SIPA1L3: variants seen among roughly 807,000 people sequenced by gnomAD.
SIPA1L3 encodes the protein signal-induced proliferation-associated 1-like protein 3.
SIPA1L3 carries 59 observed loss-of-function variants against 150.1 expected under a neutral mutation model. The ratio of observed to expected loss-of-function variants is 0.39; its 90% CI spans 0.32 to 0.49. SIPA1L3 has a LOEUF of 0.49. SIPA1L3 is among the 20% of genes least tolerant of loss of function. The probability of loss-of-function intolerance (pLI) is 0.86; values close to 1 mark genes in which losing one functional copy is unlikely to be tolerated. For synonymous variants in SIPA1L3, 1,070 were observed against 1,077.6 expected (o/e 0.99, Z 0.14); for missense variants, 2,211 against 2,489.5 (o/e 0.89, Z 2.38).
intron 1 of SIPA1L3, among the ~76,000 whole-genome samples, chr19:37,923,846 G>T (rs2046477959): frequency 6.6e-6 from 1 of 151,622 alleles, no homozygotes; most frequent in Admixed American, 6.6e-5. Context: ...TGCAACCTCT[G>T]CCTCTCGGGT....
At chr19:37,937,769 A>G (rs999059665) in intron 1 of SIPA1L3, among the ~76,000 whole-genome samples, 1 of 133,116 alleles carries the variant, frequency 7.5e-6, no homozygotes, top group Non-Finnish European at 1.6e-5. Flanking sequence ...AAAAAAGACC[A>G]GGCACGGTGG....
At position 37,960,346 on chromosome 19, in the gene SIPA1L3, T is replaced by A. The variant is rs1348312399; in HGVS notation, c.-379+52988T>A. On this transcript the variant is annotated intron_variant, in intron 1 of 21. Coordinates refer to ENST00000222345, the MANE Select transcript of SIPA1L3 (RefSeq NM_015073.3). ...TCAACCTACTGTGTTCAAGCGATCC[T>A]CCACCTCAGCCTTCTGAGTAGCTGG... is the stretch of plus-strand genomic sequence containing the variant. 4.0e-5 allele frequency among the ~76,000 whole-genome samples: 6 copies of A among 151,782 alleles called. No homozygotes were observed. In the East Asian group the frequency reaches 1.2e-3, roughly 29 times the overall value.
intron 17 of SIPA1L3, among the ~76,000 whole-genome samples, chr19:38,193,209 G>A (rs1340233732): frequency 6.6e-6 from 1 of 152,050 alleles, no homozygotes; most frequent in African/African-American, 2.4e-5. Flanking sequence ...GCCAAGGGTG[G>A]TGGCATGCAC....
In SIPA1L3 at chr19:38,206,283, G is replaced by A. The variant is rs145485104; in HGVS notation, c.*43G>A. On this transcript the variant is annotated 3_prime_UTR_variant, in exon 22 of 22. Coordinates refer to ENST00000222345, the MANE Select transcript of SIPA1L3 (RefSeq NM_015073.3). ...CGCCTTCGCTCCTTCCCCTCAGGCC[G>A]TGGCCCTGCTGCCTCTCTCCCTCCA... 78 of 1,500,576 alleles carry A rather than the reference G, an allele frequency of 5.2e-5. No individual in the cohort carries two copies. In the East Asian group the frequency reaches 9.3e-4, roughly 18 times the overall value. 93.0% of individuals were successfully genotyped at this position (1,500,576 alleles called of 1,614,324 possible).
intron 1 of SIPA1L3, among the ~76,000 whole-genome samples, chr19:37,915,010 C>T (rs1297766510): frequency 6.6e-6 from 1 of 152,166 alleles, no homozygotes; most frequent in African/African-American, 2.4e-5. Flanking sequence ...CTTCCAGGGC[C>T]CTCCTTACCA....
chr19:38,174,737 A>ATACTC (rs1448036732), intron 15 of SIPA1L3, among the ~76,000 whole-genome samples: 3 of 151,852 alleles, frequency 2.0e-5, no homozygotes, highest in African/African-American at 7.3e-5. Context: ...GTAGTCCCAG[A>ATACTC]GACTCGAGAG....
intron 2 of SIPA1L3, among the ~76,000 whole-genome samples, chr19:38,050,725 G>A (rs747252918): frequency 1.3e-5 from 2 of 152,158 alleles, no homozygotes; most frequent in Non-Finnish European, 2.9e-5. Context: ...GTCGAGTGCT[G>A]TATATTCATT....
chr19:38,033,782 A>G (rs971762061), intron 2 of SIPA1L3, among the ~76,000 whole-genome samples: 16 of 152,100 alleles, frequency 1.1e-4, no homozygotes, highest in African/African-American at 3.6e-4. Flanking sequence ...CTTGGTAAGC[A>G]CTGTATGGCT....
At chr19:38,128,116 G>A (rs979866468) in intron 9 of SIPA1L3, among the ~76,000 whole-genome samples, 7 of 138,968 alleles carry the variant, frequency 5.0e-5, no homozygotes, top group South Asian at 2.3e-4. Flanking sequence ...GTGCAGTAGC[G>A]TGATCTCGGC....
Position 38,081,314 on chromosome 19 carries a change from G to A in SIPA1L3, c.-252G>A. 2.2e-6 allele frequency: 1 copy of A among 456,338 alleles called. No individual in the cohort carries two copies. Among genetic ancestry groups the A allele is most frequent in the Non-Finnish European group, 3.9e-6 (1 of 259,060 alleles). 28.3% of individuals were successfully genotyped at this position (456,338 alleles called of 1,614,324 possible). The stretch of plus-strand genomic sequence containing the variant: ...TGGCGGGCGACCACAGCTACTGCCT[G>A]CTCTGCGCTACTGAGCCACTCGGTC... On this transcript the variant is annotated 5_prime_UTR_variant, in exon 3 of 22. Coordinates refer to ENST00000222345, the MANE Select transcript of SIPA1L3 (RefSeq NM_015073.3).
intron 1 of SIPA1L3, among the ~76,000 whole-genome samples, chr19:37,991,481 C>T (rs1043148534): frequency 6.6e-6 from 1 of 152,178 alleles, no homozygotes; most frequent in African/African-American, 2.4e-5. Context: ...CCCACATCCC[C>T]AGAGCAAAGG....
intron 1 of SIPA1L3, among the ~76,000 whole-genome samples, chr19:37,942,553 G>A (rs1330873009): frequency 2.0e-5 from 3 of 148,070 alleles, no homozygotes; most frequent in African/African-American, 7.5e-5. Context: ...GCAGGAGACG[G>A]GGGTGGCGGG....
chr19:38,104,773 G>A (rs766926639), intron 6 of SIPA1L3, among the ~76,000 whole-genome samples: 4 of 151,746 alleles, frequency 2.6e-5, no homozygotes, highest in Non-Finnish European at 4.4e-5. Flanking sequence ...GTTTCACCGT[G>A]TTGGCCAAGC....
At position 37,926,034 on chromosome 19, in the gene SIPA1L3, T is replaced by A. The variant is rs145071776; in HGVS notation, c.-379+18676T>A. Among the ~76,000 whole-genome samples the A allele has an allele frequency of 2.0e-5, 3 of 152,294 alleles. No homozygotes were observed. In the East Asian group the frequency reaches 5.8e-4, roughly 29 times the overall value. ...GGTGACCAGTTCCTTGACACTACAT[T>A]ATCTGAGTGAGTTTCCTGTCTTGTA... On this transcript the variant is annotated intron_variant, in intron 1 of 21. Transcript: ENST00000222345.
At chr19:38,000,577 C>G (rs897695351) in intron 1 of SIPA1L3, among the ~76,000 whole-genome samples, 6 of 150,026 alleles carry the variant, frequency 4.0e-5, no homozygotes, top group Non-Finnish European at 7.4e-5. Context: ...TTCTCCCCAG[C>G]AGTCCATGGT....
chr19:38,137,565 G>A (rs1348613981), intron 10 of SIPA1L3, among the ~76,000 whole-genome samples: 1 of 151,902 alleles, frequency 6.6e-6, no homozygotes, highest in East Asian at 1.9e-4. Context: ...CCTCCCAAAT[G>A]CTGGGATTAT....
chr19:38,111,963 G>A lies in SIPA1L3; in HGVS notation c.2291+1579G>A, dbSNP rs893714095. Among the ~76,000 whole-genome samples, 58 of 115,340 alleles carry A rather than the reference G, an allele frequency of 5.0e-4. 1 individual carries two copies. The South Asian group carries it at 0.012, about 23-fold the overall frequency. The allele number at this position is 115,340 out of a possible 152,430, so 75.7% of individuals were successfully genotyped here. On this transcript the variant is annotated intron_variant, in intron 8 of 21. Coordinates refer to ENST00000222345, the MANE Select transcript of SIPA1L3 (RefSeq NM_015073.3). The stretch of plus-strand genomic sequence containing the variant: ...CATGCACACACATACATGCACACAC[G>A]TACATGCACACACATGCACACAGGC...
At chr19:38,194,385 A>C (rs1471904464) in intron 18 of SIPA1L3, among the ~76,000 whole-genome samples, 5 of 142,638 alleles carry the variant, frequency 3.5e-5, no homozygotes, top group African/African-American at 5.0e-5. Flanking sequence ...CCACAACTGA[A>C]AGACAGTACG....
intron 12 of SIPA1L3, among the ~76,000 whole-genome samples, chr19:38,143,087 G>C (rs1336671295): frequency 6.6e-6 from 1 of 152,064 alleles, no homozygotes; most frequent in Non-Finnish European, 1.5e-5. Context: ...CTGCCCACTT[G>C]CGTCCATCTG....
Sources: gnomAD v4.1 joint callset for allele counts (sites outside exome capture counted in the v4.1 genomes callset) on GRCh38, gnomAD v4.1.1 for gene constraint, MANE v1.5 for transcripts, NCBI Gene and HGNC (gene_info 2026-07-23, HGNC 2026-07-21) for gene names.